Variants in FTO observed in about 807,000 individuals in gnomAD.
FTO encodes the protein FTO alpha-ketoglutarate dependent dioxygenase, also known as alpha-ketoglutarate-dependent dioxygenase FTO.
Under a neutral mutation model 63.9 loss-of-function variants are expected in FTO, and 47 were observed. The ratio of observed to expected loss-of-function variants is 0.74; its 90% confidence interval spans 0.58 to 0.94. The LOEUF (loss-of-function observed/expected upper bound fraction) is 0.94, where lower values mean the gene tolerates loss of function less well. FTO is among the 40% of genes least tolerant of loss of function. The pLI, the probability that FTO is intolerant of heterozygous loss-of-function variation, is 0.00. For synonymous variants in FTO, 207 were observed against 224.4 expected (o/e 0.92, Z 0.69); for missense variants, 562 against 618.1 (o/e 0.91, Z 0.96).
chr16:54,042,144 C>CGGG (rs1458324077), intron 8 of FTO, among the ~76,000 whole-genome samples: 20 of 152,028 alleles, frequency 1.3e-4, no homozygotes, highest in African/African-American at 4.8e-4. Context: ...CTACAGCTCC[C>CGGG]AGCGTGAGTG....
intron 7 of FTO, among the ~76,000 whole-genome samples, chr16:53,892,697 AACC>A (rs2081181448): frequency 6.6e-6 from 1 of 152,152 alleles, no homozygotes; most frequent in Non-Finnish European, 1.5e-5. Flanking sequence ...GAAAATAAAA[AACC>A]TCAGGGAATA....
Position 53,865,996 on chromosome 16 carries a change from C to T in FTO, c.896-7790C>T, listed in dbSNP as rs79370707. Reference sequence around the variant, plus strand: ...TTTCTTACTCTGAGCAGAAAAGTTTCTAGTTTCATACCGCTAAGTATGATA... The same window carrying T: ...TTTCTTACTCTGAGCAGAAAAGTTTTTAGTTTCATACCGCTAAGTATGATA... On this transcript the variant is annotated intron_variant, in intron 4 of 8. Transcript: ENST00000471389. 5.3e-3 allele frequency among the ~76,000 whole-genome samples: 812 copies of T among 152,250 alleles called. 7 individuals are homozygous for T. The highest frequency in any genetic ancestry group is 0.019 in the African/African-American group (778 of 41,538).
chr16:53,731,012 T>C (rs1028741781), intron 1 of FTO, among the ~76,000 whole-genome samples: 1 of 152,192 alleles, frequency 6.6e-6, no homozygotes, highest in African/African-American at 2.4e-5. Flanking sequence ...AAGATAGGGA[T>C]TTTTTAAGGC....
chr16:53,896,305 T>C (rs761318230), intron 7 of FTO, among the ~76,000 whole-genome samples: 95 of 151,766 alleles, frequency 6.3e-4, no homozygotes, highest in Non-Finnish European at 8.5e-4. Flanking sequence ...ATGTAACTTA[T>C]TTCATCTAGG....
intron 8 of FTO, among the ~76,000 whole-genome samples, chr16:54,030,403 G>A (rs756145150): frequency 1.4e-4 from 22 of 152,120 alleles, no homozygotes; most frequent in Non-Finnish European, 2.5e-4. Context: ...TAAGGACTTC[G>A]TTGTATAAAA....
chr16:53,962,398 A>G (rs1309409337), intron 8 of FTO, among the ~76,000 whole-genome samples: 2 of 152,176 alleles, frequency 1.3e-5, no homozygotes, highest in Non-Finnish European at 2.9e-5. Flanking sequence ...GGCTCTGTCA[A>G]TTACAGGGAC....
At chr16:53,917,606 GT>G (rs145285963) in intron 7 of FTO, among the ~76,000 whole-genome samples, 2 of 150,464 alleles carry the variant, frequency 1.3e-5, no homozygotes, top group Admixed American at 6.6e-5. Context: ...ATTGTGATGG[GT>G]TTTTTTTTCA....
intron 8 of FTO, among the ~76,000 whole-genome samples, chr16:53,941,609 G>A (rs2082531029): frequency 6.6e-6 from 1 of 152,202 alleles, no homozygotes; most frequent in Admixed American, 6.5e-5. Flanking sequence ...CTCTTTGGGA[G>A]GCTGAGGCGG....
intron 3 of FTO, among the ~76,000 whole-genome samples, chr16:53,826,833 A>T (rs2079020762): frequency 2.6e-5 from 4 of 152,152 alleles, no homozygotes; most frequent in Non-Finnish European, 5.9e-5. Context: ...AGCTCAGAGG[A>T]GATTGTACAG....
chr16:54,096,927 A>G (rs1475108142), intron 8 of FTO, among the ~76,000 whole-genome samples: 1 of 152,170 alleles, frequency 6.6e-6, no homozygotes, highest in African/African-American at 2.4e-5. Flanking sequence ...GATGATTGTC[A>G]CTGCTTCAAG....
intron 4 of FTO, among the ~76,000 whole-genome samples, chr16:53,857,184 A>G (rs1181000489): frequency 6.6e-6 from 1 of 152,190 alleles, no homozygotes; most frequent in Non-Finnish European, 1.5e-5. Context: ...TTCATCACCC[A>G]GGTAATAAGC....
At chr16:53,772,091 GA>G (rs1871136385) in intron 1 of FTO, among the ~76,000 whole-genome samples, 1 of 152,044 alleles carries the variant, frequency 6.6e-6, no homozygotes, top group African/African-American at 2.4e-5. Context: ...TTTTGAAGGG[GA>G]AAATTGTGTG....
At chr16:54,101,338 G>A (rs1469880511) in intron 8 of FTO, among the ~76,000 whole-genome samples, 11 of 152,058 alleles carry the variant, frequency 7.2e-5, no homozygotes, top group Admixed American at 3.9e-4. Flanking sequence ...GTGTTCATAG[G>A]TTCTTATCAT....
At chr16:53,931,892 A>ACACACC (rs1555495372) in intron 7 of FTO, among the ~76,000 whole-genome samples, 5 of 151,682 alleles carry the variant, frequency 3.3e-5, no homozygotes, top group African/African-American at 1.2e-4. Flanking sequence ...ACACACACAC[A>ACACACC]CACACACACA....
At chr16:53,875,627 A>T (rs2080627077) in intron 5 of FTO, among the ~76,000 whole-genome samples, 1 of 152,254 alleles carries the variant, frequency 6.6e-6, no homozygotes, top group Non-Finnish European at 1.5e-5. Flanking sequence ...TACAGTGTAC[A>T]TAATAAAGCA....
At chr16:53,753,258 A>T (rs1302271862) in intron 1 of FTO, among the ~76,000 whole-genome samples, 1 of 151,816 alleles carries the variant, frequency 6.6e-6, no homozygotes, top group East Asian at 1.9e-4. Flanking sequence ...GTCTCAAAAA[A>T]AAAAAAAAAA....
At chr16:53,777,229 A>G (rs2077481433) in intron 1 of FTO, among the ~76,000 whole-genome samples, 1 of 152,046 alleles carries the variant, frequency 6.6e-6, no homozygotes, top group Admixed American at 6.6e-5. Context: ...TATCCCACCA[A>G]ACTCTGGCAA....
At chr16:53,841,629 A>G (rs1335063488) in intron 3 of FTO, among the ~76,000 whole-genome samples, 1 of 152,028 alleles carries the variant, frequency 6.6e-6, no homozygotes, top group Non-Finnish European at 1.5e-5. Context: ...TACAAAGGGG[A>G]GTTTCTTTTT....
chr16:53,980,968 C>T (rs1327248244), intron 8 of FTO, among the ~76,000 whole-genome samples: 1 of 152,154 alleles, frequency 6.6e-6, no homozygotes, highest in Admixed American at 6.5e-5. Flanking sequence ...GCCAGTTTTC[C>T]TCAAAGAGAT....
Sources: gnomAD v4.1 joint callset for allele counts (sites outside exome capture counted in the v4.1 genomes callset) on GRCh38, gnomAD v4.1.1 for gene constraint, MANE v1.5 for transcripts, NCBI Gene and HGNC (gene_info 2026-07-23, HGNC 2026-07-21) for gene names.